Variants in TBC1D31 observed in about 807,000 individuals in gnomAD.
TBC1D31 encodes the protein WD repeat domain 67.
A neutral mutation model predicts 132.9 loss-of-function variants in TBC1D31; 99 were observed. The observed-to-expected ratio is 0.74, with a 90% CI of 0.63 to 0.88. The LOEUF (loss-of-function observed/expected upper bound fraction) is 0.88. Ranked by LOEUF, TBC1D31 falls within the 40% of genes least tolerant of loss-of-function variation. The pLI, the probability that TBC1D31 is intolerant of heterozygous loss-of-function variation, is 0.00. For synonymous variants in TBC1D31, 385 were observed against 419.4 expected, an observed-to-expected ratio of 0.92 and a Z score of 1.00; for missense variants, 1,134 against 1,256.6, an observed-to-expected ratio of 0.90 and a Z score of 1.48.
chr8:123,137,814 G>A lies in TBC1D31; in HGVS notation c.2500-2947G>A, dbSNP rs144149121. Among the ~76,000 whole-genome samples the A allele has an allele frequency of 3.4e-3, 523 of 152,282 alleles. 2 individuals are homozygous for A. The highest frequency in any genetic ancestry group is 0.011 in the African/African-American group (473 of 41,548). On this transcript the variant is annotated intron_variant, in intron 17 of 21. Coordinates refer to ENST00000287380, the MANE Select transcript of TBC1D31 (RefSeq NM_145647.4). ...TCTTATCAGGCAGAGTATTCCAGGG[G>A]CTTAGAGATTATCTCCCAGGAACTG... is the stretch of plus-strand genomic sequence containing the variant.
chr8:123,146,336 A>T (rs972089463), intron 20 of TBC1D31, among the ~76,000 whole-genome samples: 6 of 151,256 alleles, frequency 4.0e-5, no homozygotes, highest in Non-Finnish European at 8.8e-5. Context: ...ATTTCCACTC[A>T]CTCCCCCAAG....
the TBC1D31 span, among the ~76,000 whole-genome samples, chr8:123,158,814 G>A: frequency 2.0e-5 from 3 of 152,220 alleles, no homozygotes; most frequent in East Asian, 5.8e-4. Context: ...AGAAGGACTG[G>A]GAGCTGCCGG....
intron 20 of TBC1D31, among the ~76,000 whole-genome samples, chr8:123,148,440 A>T (rs1822450749): frequency 6.6e-6 from 1 of 151,976 alleles, no homozygotes; most frequent in Non-Finnish European, 1.5e-5. Flanking sequence ...GATGAGAGGG[A>T]GCTGTGAGAT....
chr8:123,163,422 T>C, the TBC1D31 span, among the ~76,000 whole-genome samples: 1 of 139,532 alleles, frequency 7.2e-6, no homozygotes, highest in Non-Finnish European at 1.5e-5. Flanking sequence ...TGGAGTGCAG[T>C]GGTGTGATCA....
At position 123,082,682 on chromosome 8, in the gene TBC1D31, A is replaced by G; in HGVS notation, c.225-20A>G. Reference sequence around the variant, plus strand: ...ATTATTGGAAGAATTTGTGATACTAATGCAATGATCTCTTAATAGGTTCAA... The same window carrying G: ...ATTATTGGAAGAATTTGTGATACTAGTGCAATGATCTCTTAATAGGTTCAA... On this transcript the variant is annotated intron_variant, in intron 2 of 21. Transcript: ENST00000287380. The G allele has an allele frequency of 2.0e-6, 3 of 1,518,492 alleles. No homozygotes were observed. Among genetic ancestry groups the G allele is most frequent in the Non-Finnish European group, 9.0e-7 (1 of 1,105,464 alleles). The allele number at this position is 1,518,492 out of a possible 1,614,324, so 94.1% of individuals were successfully genotyped here. A position where few individuals can be genotyped will look rare whatever the true frequency, so the allele number is the denominator to read the frequency against.
chr8:123,091,001 A>G (rs1236589086), intron 4 of TBC1D31, among the ~76,000 whole-genome samples: 3 of 152,106 alleles, frequency 2.0e-5, no homozygotes, highest in African/African-American at 7.2e-5. Context: ...AACCTTGAAA[A>G]GAGTTCATCT....
intron 20 of TBC1D31, 50 bp from the exon 21 acceptor site, chr8:123,149,986 C>T: frequency 7.3e-7 from 1 of 1,377,020 alleles, no homozygotes; most frequent in East Asian, 2.3e-5. Context: ...ATTAGTAAGC[C>T]TTTCTACTCA....
intron 20 of TBC1D31, among the ~76,000 whole-genome samples, chr8:123,146,389 A>G (rs752491861): frequency 3.5e-4 from 53 of 152,224 alleles, no homozygotes; most frequent in Non-Finnish European, 6.0e-4. Context: ...TCACCTATTC[A>G]GGAAGTTTCA....
the TBC1D31 span, among the ~76,000 whole-genome samples, chr8:123,165,030 A>T: frequency 6.6e-6 from 1 of 152,236 alleles, no homozygotes. Flanking sequence ...ACAGATACAC[A>T]CAGAGAGAAG....
chr8:123,160,391 C>T, the TBC1D31 span, among the ~76,000 whole-genome samples: 1 of 147,778 alleles, frequency 6.8e-6, no homozygotes, highest in Admixed American at 6.7e-5. Flanking sequence ...AAAAGGCGAA[C>T]TGTAGGAATT....
At chr8:123,128,230 A>C (rs1338202920) in intron 13 of TBC1D31, 51 bp from the exon 14 acceptor site, 20 of 932,314 alleles carry the variant, frequency 2.1e-5, no homozygotes, top group Middle Eastern at 2.2e-4. Flanking sequence ...ATTCTACCTC[A>C]TAATTGCTTT....
At chr8:123,088,556 A>T (rs891355241) in intron 4 of TBC1D31, among the ~76,000 whole-genome samples, 3 of 152,104 alleles carry the variant, frequency 2.0e-5, no homozygotes, top group South Asian at 2.1e-4. Flanking sequence ...TTTTTAAAAA[A>T]TTTTTTTCCC....
At chr8:123,157,325 G>A in the TBC1D31 span, among the ~76,000 whole-genome samples, 13,686 of 152,094 alleles carry the variant, frequency 0.09, 638 homozygotes, top group Non-Finnish European at 0.098. Context: ...TTTCCGGACG[G>A]ATCATTCTGA....
At chr8:123,163,390 A>C in the TBC1D31 span, among the ~76,000 whole-genome samples, 2 of 102,450 alleles carry the variant, frequency 2.0e-5, no homozygotes, top group East Asian at 6.8e-4. Context: ...TTTGAGATAG[A>C]GTCTTGCTCT....
At chr8:123,073,518 T>A (rs1326901038) in intron 1 of TBC1D31, 7 of 402,480 alleles carry the variant, frequency 1.7e-5, no homozygotes, top group Non-Finnish European at 3.5e-5. Context: ...CCCAGTTACC[T>A]GTCCTGTTTG....
chr8:123,091,990 A>G (rs1267979999), intron 4 of TBC1D31, among the ~76,000 whole-genome samples: 1 of 152,190 alleles, frequency 6.6e-6, no homozygotes, highest in African/African-American at 2.4e-5. Context: ...TTATCCTGAA[A>G]CACTTTGCCC....
rs1212330651 is a variant in TBC1D31 at position 123,093,699 on chromosome 8, C to T, written c.628C>T (p.Pro210Ser). ...TTGCAAATATCAATTGCCAGCTCCA[C>T]CTGAAAGCTCTAGTATATTATACAA... ...LFCKYQLPAPPESSSILYKVF... is the reference protein window; with the variant it reads ...LFCKYQLPAPSESSSILYKVF... The change falls in exon 5 of 22, where the codon CCT (proline) becomes TCT (serine). Residue 210 changes from proline (P) to serine (S), a missense_variant. Transcript: ENST00000287380. The T allele has an allele frequency of 1.9e-6, 3 of 1,610,758 alleles. No individual in the cohort carries two copies. In the South Asian group the frequency reaches 3.3e-5, roughly 18 times the overall value.
chr8:123,142,008 G>A (rs995623531), intron 18 of TBC1D31, among the ~76,000 whole-genome samples: 2 of 151,870 alleles, frequency 1.3e-5, no homozygotes, highest in Non-Finnish European at 2.9e-5. Flanking sequence ...CTACAGGCGC[G>A]CGCTGCCACG....
intron 19 of TBC1D31, among the ~76,000 whole-genome samples, chr8:123,144,481 G>A (rs1204006377): frequency 6.6e-6 from 1 of 152,156 alleles, no homozygotes; most frequent in African/African-American, 2.4e-5. Flanking sequence ...ATATAGTTGT[G>A]TGCTTTGTGG....
Sources: gnomAD v4.1 joint callset for allele counts (sites outside exome capture counted in the v4.1 genomes callset) on GRCh38, gnomAD v4.1.1 for gene constraint, MANE v1.5 for transcripts, NCBI Gene and HGNC (gene_info 2026-07-23, HGNC 2026-07-21) for gene names.